Variants in ATP4A observed in about 807,000 individuals in gnomAD.
ATP4A encodes potassium-transporting ATPase alpha chain 1.
A neutral mutation model predicts 112.1 loss-of-function variants in ATP4A; 73 were observed. That is an observed-to-expected ratio of 0.65 (90% CI 0.54 to 0.79). The LOEUF (loss-of-function observed/expected upper bound fraction) is 0.79, where lower values mean the gene tolerates loss of function less well. Among genes scored for constraint, ATP4A ranks in the 30% least tolerant of loss-of-function variants. ATP4A has a pLI of 0.00. For synonymous variants in ATP4A, 588 were observed against 588.9 expected (o/e 1.00, Z 0.02); for missense variants, 1,081 against 1,425.9 (o/e 0.76, Z 3.90).
At position 35,558,635 on chromosome 19, in the gene ATP4A, A is replaced by G. The variant is rs771221225; in HGVS notation, c.1307T>C (p.Leu436Pro). Reference protein sequence around the residue: ...SETWRALCRVLTLCNRAAFKS... With the variant: ...SETWRALCRVPTLCNRAAFKS... ...GAAGGCGGCGCGGTTGCACAGGGTG[A>G]GCACCCGGCACAGCGCCCGCCACGT... Residue 436 changes from leucine (L) to proline (P), a missense_variant, in exon 9 of 22, where the codon CTC (leucine) becomes CCC (proline). Leu to Pro is a moderately conservative substitution (Grantham distance 98). Coordinates refer to ENST00000262623, the MANE Select transcript of ATP4A (RefSeq NM_000704.3). This position sits in a 1 kb window ranked among gnomAD's most constrained non-coding sequence, Gnocchi z 5.1. 4.4e-6 allele frequency: 7 copies of G among 1,597,862 alleles called. No individual in the cohort carries two copies. The highest frequency in any genetic ancestry group is 6.0e-6 in the Non-Finnish European group (7 of 1,174,726).
chr19:35,553,423 C>T (rs998540959), intron 17 of ATP4A, among the ~76,000 whole-genome samples: 3 of 152,012 alleles, frequency 2.0e-5, no homozygotes, highest in Non-Finnish European at 2.9e-5. Flanking sequence ...GAGACAGAGG[C>T]AGGGACAGAG....
In ATP4A at chr19:35,555,631, G is replaced by T. The variant is rs779551044; in HGVS notation, c.2007-41C>A. 6.3e-7 allele frequency: 1 copy of T among 1,583,524 alleles called. No homozygotes were observed. Among genetic ancestry groups the T allele is most frequent in the South Asian group, 1.1e-5 (1 of 88,116 alleles). On this transcript the variant is annotated intron_variant, in intron 13 of 21. Coordinates refer to ENST00000262623, the MANE Select transcript of ATP4A (RefSeq NM_000704.3). The surrounding 1 kb of genome is among the most constrained non-coding windows in gnomAD (Gnocchi z 6.6). The stretch of plus-strand genomic sequence containing the variant: ...GAGGACCTCGCTGGGACCTCGGTCT[G>T]TGCCAGATGTGGGGAGAACCCCGGG...
chr19:35,551,181 C>T lies in ATP4A; in HGVS notation c.2886-70G>A. The T allele has an allele frequency of 6.9e-7, 1 of 1,457,962 alleles. No homozygotes were observed. Among genetic ancestry groups the T allele is most frequent in the Non-Finnish European group, 9.4e-7 (1 of 1,062,914 alleles). The allele number at this position is 1,457,962 out of a possible 1,614,324, so 90.3% of individuals were successfully genotyped here. A position where few individuals can be genotyped will look rare whatever the true frequency, so the allele number is the denominator to read the frequency against. ...TGATGGAAATCAGGATACTGTGGGT[C>T]AAAGTAGGTCAGATGTCAGCAGCAG... On this transcript the variant is annotated intron_variant, in intron 19 of 21. Coordinates refer to ENST00000262623, the MANE Select transcript of ATP4A (RefSeq NM_000704.3). The surrounding 1 kb of genome is among the most constrained non-coding windows in gnomAD (Gnocchi z 5.2).
At position 35,551,987 on chromosome 19, in the gene ATP4A, G is replaced by A. The variant is rs1179902857; in HGVS notation, c.2752-407C>T. 1.3e-5 allele frequency among the ~76,000 whole-genome samples: 2 copies of A among 152,180 alleles called. No individual in the cohort carries two copies. Among genetic ancestry groups the A allele is most frequent in the Non-Finnish European group, 2.9e-5 (2 of 68,012 alleles). ...TGAGGCAGTCACCGCGGGCCTTTGG[G>A]AAAAGAGGGCAGATGCCCCATTTAA... On this transcript the variant is annotated intron_variant, in intron 18 of 21. Coordinates refer to ENST00000262623, the MANE Select transcript of ATP4A (RefSeq NM_000704.3). This position sits in a 1 kb window ranked among gnomAD's most constrained non-coding sequence, Gnocchi z 5.2.
chr19:35,551,762 C>T lies in ATP4A; in HGVS notation c.2752-182G>A, dbSNP rs1393003364. On this transcript the variant is annotated intron_variant, in intron 18 of 21. Coordinates refer to ENST00000262623, the MANE Select transcript of ATP4A (RefSeq NM_000704.3). This position sits in a 1 kb window ranked among gnomAD's most constrained non-coding sequence, Gnocchi z 5.2. ...AGGGTCTGCCAGGTGTGCAGGACCC[C>T]AGAACGTGGGGCCCAGAAACCTCAG... 6.6e-6 allele frequency among the ~76,000 whole-genome samples: 1 copy of T among 152,084 alleles called. No homozygotes were observed. The highest frequency in any genetic ancestry group is 1.5e-5 in the Non-Finnish European group (1 of 68,008).
In ATP4A at chr19:35,550,936, A is replaced by T. The variant is rs372231915; in HGVS notation, c.2988-11T>A. ...AGCCACCACTGGAACCTGAAGGCAC[A>T]TGGCAAGGTGAAGGCCATCCCAGGC... On this transcript the variant is annotated splice_polypyrimidine_tract_variant and intron_variant, in intron 20 of 21. Coordinates refer to ENST00000262623, the MANE Select transcript of ATP4A (RefSeq NM_000704.3). This position sits in a 1 kb window ranked among gnomAD's most constrained non-coding sequence, Gnocchi z 4.1. 1.2e-6 allele frequency: 2 copies of T among 1,613,914 alleles called. No individual in the cohort carries two copies. The highest frequency in any genetic ancestry group is 2.7e-5 in the African/African-American group (2 of 74,928).
In ATP4A at chr19:35,558,682, C is replaced by G. The variant is rs529707108; in HGVS notation, c.1260G>C (p.Gln420His). The stretch of plus-strand genomic sequence containing the variant: ...ACGTCTCCGAGGACTGGTCAAACGT[C>G]TGCCCTGCAGACCAGGCGTCCAGGC... ...TADTTEDQSG[Q>H]TFDQSSETWR... Residue 420 changes from glutamine to histidine, a missense_variant, in exon 9 of 22, where the codon CAG becomes CAC. By Grantham distance (24) the Gln-to-His change is conservative. Transcript: ENST00000262623. The surrounding 1 kb of genome is among the most constrained non-coding windows in gnomAD (Gnocchi z 5.1). The G allele has an allele frequency of 1.3e-5, 20 of 1,595,834 alleles. No homozygotes were observed. The Admixed American group carries it at 1.4e-4, about 11-fold the overall frequency.
At position 35,551,398 on chromosome 19, in the gene ATP4A, G is replaced by A. The variant is rs750010809; in HGVS notation, c.2885+49C>T. ...CTAAACCACAGTCAGGATCTGATGGGAGTTGGGACCAGGGGTTGGAGGGCA... is the reference window on the plus strand; with the variant it reads ...CTAAACCACAGTCAGGATCTGATGGAAGTTGGGACCAGGGGTTGGAGGGCA... On this transcript the variant is annotated intron_variant, in intron 19 of 21. Transcript: ENST00000262623. The surrounding 1 kb of genome is among the most constrained non-coding windows in gnomAD (Gnocchi z 5.2). 6.2e-7 allele frequency: 1 copy of A among 1,612,990 alleles called. No individual in the cohort carries two copies. The highest frequency in any genetic ancestry group is 8.5e-7 in the Non-Finnish European group (1 of 1,179,828).
Position 35,557,503 on chromosome 19 carries a change from T to C in ATP4A, c.1693+152A>G, listed in dbSNP as rs565502291. On this transcript the variant is annotated intron_variant, in intron 11 of 21. Transcript: ENST00000262623. The surrounding 1 kb of genome is among the most constrained non-coding windows in gnomAD (Gnocchi z 4.4). Reference sequence around the variant, plus strand: ...GAGGACAGACAGGGGTCAGGACTGGTACAGGGAAAGTCAAGGGTGAGGCTG... The same window carrying C: ...GAGGACAGACAGGGGTCAGGACTGGCACAGGGAAAGTCAAGGGTGAGGCTG... 3.2e-6 allele frequency: 3 copies of C among 948,110 alleles called. No individual in the cohort carries two copies. The highest frequency in any genetic ancestry group is 3.4e-5 in the South Asian group (2 of 58,730). The allele number at this position is 948,110 out of a possible 1,614,324, so 58.7% of individuals were successfully genotyped here.
In ATP4A at chr19:35,551,354, C is replaced by A; in HGVS notation, c.2885+93G>T. The A allele has an allele frequency of 1.3e-6, 2 of 1,589,410 alleles. No homozygotes were observed. The highest frequency in any genetic ancestry group is 2.2e-5 in the South Asian group (2 of 89,532). ...TGTCACCATCTGGCACTGGCACCCG[C>A]TGGCATTTGCCGGCTGTTCTAAACC... On this transcript the variant is annotated intron_variant, in intron 19 of 21. Transcript: ENST00000262623. This position sits in a 1 kb window ranked among gnomAD's most constrained non-coding sequence, Gnocchi z 5.2.
chr19:35,561,847 CTTTTTTTTTTTTT>C (rs71167554), intron 4 of ATP4A, among the ~76,000 whole-genome samples: 5 of 103,812 alleles, frequency 4.8e-5, no homozygotes, highest in African/African-American at 2.1e-4. Context: ...AGTCCCATCT[CTTTTTTTTTTTTT>C]TTTTTTTTTT....
chr19:35,557,889 G>GGGCGGGGCTGTGGACGGGGGAACA lies in ATP4A; in HGVS notation c.1501-43_1501-42insTGTTCCCCCGTCCACAGCCCCGCC. On this transcript the variant is annotated intron_variant, in intron 10 of 21. Transcript: ENST00000262623. This position sits in a 1 kb window ranked among gnomAD's most constrained non-coding sequence, Gnocchi z 4.4. ...GAGGCGAGGCTGTGGACGGGGGAAC[G>GGGCGGGGCTGTGGACGGGGGAACA]GGGCGGGGCTGTGGACGAGGGAACG... The GGGCGGGGCTGTGGACGGGGGAACA allele has an allele frequency of 9.4e-7, 1 of 1,061,040 alleles. No homozygotes were observed. The highest frequency in any genetic ancestry group is 3.4e-4 in the Middle Eastern group (1 of 2,974). The allele number at this position is 1,061,040 out of a possible 1,614,324, so 65.7% of individuals were successfully genotyped here.
chr19:35,556,586 T>C (rs2071632607), intron 12 of ATP4A, among the ~76,000 whole-genome samples: 1 of 152,182 alleles, frequency 6.6e-6, no homozygotes, highest in Non-Finnish European at 1.5e-5. Context: ...AGGCACTCTC[T>C]TTTTGTGGGG....
chr19:35,561,192 C>T (rs2071668778), intron 4 of ATP4A, among the ~76,000 whole-genome samples: 1 of 152,086 alleles, frequency 6.6e-6, no homozygotes, highest in African/African-American at 2.4e-5. Flanking sequence ...CCTCAATCTT[C>T]CATGTCCCCA....
At chr19:35,553,650 G>A (rs890776266) in intron 17 of ATP4A, 56 bp downstream of exon 17, 205 of 1,592,768 alleles carry the variant, frequency 1.3e-4, no homozygotes, top group Non-Finnish European at 1.7e-4. Flanking sequence ...TGGGGCAGGC[G>A]AGCAGCCCAG....
In ATP4A at chr19:35,562,589, T is replaced by C. The variant is rs1328432498; in HGVS notation, c.266A>G (p.Asn89Ser). The change falls in exon 4 of 22, where the codon AAC becomes AGC. Residue 89 changes from asparagine (N) to serine (S), a missense_variant. Around this residue, in one of 3 missense-constraint regions of ATP4A, gnomAD observed 850 missense variants for 1,068.2 expected, o/e 0.80. Coordinates refer to ENST00000262623, the MANE Select transcript of ATP4A (RefSeq NM_000704.3). ...GGTGCCCCGTGGTGGCCGCAGTGCG[T>C]TGGGCCCATCCCGCAGCAGCAGCTC... is the stretch of plus-strand genomic sequence containing the variant. ...AAELLLRDGPNALRPPRGTPE... is the reference protein window; with the variant it reads ...AAELLLRDGPSALRPPRGTPE... 1 of 1,611,006 alleles carries C rather than the reference T, an allele frequency of 6.2e-7. No individual in the cohort carries two copies. Among genetic ancestry groups the C allele is most frequent in the African/African-American group, 1.3e-5 (1 of 74,894 alleles).
intron 3 of ATP4A, 84 bp downstream of exon 3, chr19:35,563,125 C>A: frequency 6.7e-7 from 1 of 1,490,886 alleles, no homozygotes; most frequent in Non-Finnish European, 9.2e-7. Context: ...CCTCTCTCTC[C>A]CTCTCTCCAT....
intron 4 of ATP4A, 68 bp downstream of exon 4, chr19:35,562,367 G>T: frequency 1.3e-6 from 2 of 1,544,818 alleles, no homozygotes; most frequent in Non-Finnish European, 1.8e-6. Context: ...CTTGTCCCAA[G>T]TCCCAGGCTC....
Position 35,554,963 on chromosome 19 carries a change from C to T in ATP4A, c.2440G>A (p.Gly814Arg), listed in dbSNP as rs142843033. The T allele has an allele frequency of 2.5e-6, 4 of 1,613,968 alleles. No homozygotes were observed. Among genetic ancestry groups the T allele is most frequent in the East Asian group, 2.2e-5 (1 of 44,892 alleles). ...YITVSVPLPL[G>R]CITILFIELC... Reference sequence around the variant, plus strand: ...TCGATGAAGAGGATGGTGATGCACCCGAGGGGCAGGGGCACGCTGACGGTG... The same window carrying T: ...TCGATGAAGAGGATGGTGATGCACCTGAGGGGCAGGGGCACGCTGACGGTG... Residue 814 changes from glycine (G) to arginine (R), a missense_variant, in exon 16 of 22, where the codon GGG (glycine) becomes AGG (arginine). Physicochemically the swap from Gly to Arg is moderately radical, Grantham distance 125. This residue lies in a region of ATP4A where 219 missense variants were observed against 320.9 expected (regional missense o/e 0.68). Coordinates refer to ENST00000262623, the MANE Select transcript of ATP4A (RefSeq NM_000704.3).
Sources: allele counts gnomAD v4.1 joint callset (sites outside exome capture counted in the v4.1 genomes callset), GRCh38; gene constraint gnomAD v4.1.1; regional missense constraint gnomAD v4.1.1; non-coding constraint Gnocchi (gnomAD v3.1); transcripts MANE v1.5; gene names NCBI Gene and HGNC (gene_info 2026-07-23, HGNC 2026-07-21).